The following SMARCA4 variants were observed in gnomAD, a reference collection of about 807,000 sequenced individuals.
SMARCA4 encodes SWI/SNF-related matrix-associated actin-dependent regulator of chromatin subfamily A member 4.
A neutral mutation model predicts 193.9 loss-of-function variants in SMARCA4; 31 were observed. The ratio of observed to expected loss-of-function variants is 0.16; its 90% CI spans 0.12 to 0.22. The LOEUF (loss-of-function observed/expected upper bound fraction) is 0.22, where lower values mean the gene tolerates loss of function less well. SMARCA4 is among the 10% of genes least tolerant of loss of function. The probability of loss-of-function intolerance (pLI) is 1.00; values close to 1 mark genes in which losing one functional copy is unlikely to be tolerated. For synonymous variants in SMARCA4, 942 were observed against 933.1 expected, an observed-to-expected ratio of 1.01 and a Z score of -0.17; for missense variants, 1,148 against 2,296.0, an observed-to-expected ratio of 0.50 and a Z score of 10.22.
chr19:10,969,839 T>C (rs555169902), intron 1 of SMARCA4, among the ~76,000 whole-genome samples: 4 of 151,068 alleles, frequency 2.6e-5, no homozygotes, highest in Admixed American at 2.0e-4. Flanking sequence ...CCAGAGAAAT[T>C]AAAGTCATTA....
chr19:10,978,808 G>T (rs1032638063), intron 1 of SMARCA4, among the ~76,000 whole-genome samples: 1 of 151,140 alleles, frequency 6.6e-6, no homozygotes, highest in Non-Finnish European at 1.5e-5. Flanking sequence ...TTTTAGCCAG[G>T]TATAGTGGTG....
intron 11 of SMARCA4, among the ~76,000 whole-genome samples, chr19:10,997,315 C>G (rs1178903416): frequency 6.6e-6 from 1 of 152,184 alleles, no homozygotes; most frequent in East Asian, 1.9e-4. Context: ...TCTCCTGCCT[C>G]AGCCTCCCGA....
chr19:10,962,678 G>A (rs1051187663), intron 1 of SMARCA4, among the ~76,000 whole-genome samples: 4 of 152,078 alleles, frequency 2.6e-5, no homozygotes, highest in African/African-American at 9.7e-5. Flanking sequence ...GAGTAGCTGG[G>A]ACTACAGGCG....
At chr19:11,022,012 C>T (rs1568487458) in intron 19 of SMARCA4, 45 bp downstream of exon 19, 1 of 1,610,510 alleles carries the variant, frequency 6.2e-7, no homozygotes, top group Admixed American at 1.7e-5. Flanking sequence ...CCAGGTGCGG[C>T]TGGCTTTGCT....
At chr19:11,027,323 A>G (rs1002825829) in intron 23 of SMARCA4, among the ~76,000 whole-genome samples, 2 of 152,156 alleles carry the variant, frequency 1.3e-5, no homozygotes, top group Non-Finnish European at 2.9e-5. Context: ...CACATCTACA[A>G]CACTTGGGGT....
At chr19:11,042,726 C>T (rs1413760894) in intron 30 of SMARCA4, among the ~76,000 whole-genome samples, 2 of 152,248 alleles carry the variant, frequency 1.3e-5, no homozygotes, top group African/African-American at 4.8e-5. Context: ...GTGGTCCACA[C>T]CTGTCAGCCC....
In SMARCA4 at chr19:11,021,850, G is replaced by A. The variant is rs1600278720; in HGVS notation, c.2742G>A (p.Leu914=). Residue 914 remains leucine (L), a synonymous_variant, in exon 19 of 35, where the codon CTG becomes CTA. Coordinates refer to ENST00000344626, the MANE Select transcript of SMARCA4 (RefSeq NM_003072.5). ...PRRLLLTGTP[L]QNKLPELWAL... is the part of the protein sequence containing the mutation. ...GCCTGCTGCTGACGGGCACACCGCT[G>A]CAGAACAAGCTTCCCGAGCTCTGGG... is the stretch of plus-strand genomic sequence containing the variant. The A allele has an allele frequency of 2.5e-6, 4 of 1,613,784 alleles. No individual in the cohort carries two copies. Among genetic ancestry groups the A allele is most frequent in the Non-Finnish European group, 3.4e-6 (4 of 1,180,030 alleles).
At position 10,987,803 on chromosome 19, in the gene SMARCA4, C is replaced by A; in HGVS notation, c.997C>A (p.Pro333Thr). The A allele has an allele frequency of 6.2e-7, 1 of 1,603,510 alleles. No individual in the cohort carries two copies. The highest frequency in any genetic ancestry group is 1.1e-5 in the South Asian group (1 of 89,924). ...SPVMPPQTQS[P>T]GQPAQPAPMV... ...CGTGATGCCACCGCAGACCCAGTCC[C>A]CCGGGCAGCCGGCCCAGCCCGCGCC... Residue 333 changes from proline (P) to threonine (T), a missense_variant, in exon 6 of 35, where the codon CCC (proline) becomes ACC (threonine). Pro to Thr is a conservative substitution (Grantham distance 38). Around this residue, in one of 17 missense-constraint regions of SMARCA4, gnomAD observed 257 missense variants for 276.5 expected, o/e 0.93. Coordinates refer to ENST00000344626, the MANE Select transcript of SMARCA4 (RefSeq NM_003072.5). This position sits in a 1 kb window ranked among gnomAD's most constrained non-coding sequence, Gnocchi z 5.3.
intron 1 of SMARCA4, among the ~76,000 whole-genome samples, chr19:10,968,302 A>G (rs2084396573): frequency 6.6e-6 from 1 of 152,056 alleles, no homozygotes; most frequent in Non-Finnish European, 1.5e-5. Context: ...ATGTTTTTTT[A>G]AGTCCCAGAC....
rs1427314221 is a variant in SMARCA4, at chr19:11,010,767, T to A, written c.2274+236T>A. 5.4e-5 allele frequency: 30 copies of A among 556,524 alleles called. No homozygotes were observed. The Admixed American group carries it at 7.2e-4, about 13-fold the overall frequency. 34.5% of individuals were successfully genotyped at this position (556,524 alleles called of 1,614,324 possible). A position where few individuals can be genotyped will look rare whatever the true frequency, so the allele number is the denominator to read the frequency against. ...AAGTCAGTGTCTACTGGGTGCCCGA[T>A]GTGCCAGGCAGAGTGGGAGCGATTT... is the stretch of plus-strand genomic sequence containing the variant. On this transcript the variant is annotated intron_variant, in intron 15 of 34. Coordinates refer to ENST00000344626, the MANE Select transcript of SMARCA4 (RefSeq NM_003072.5).
Position 10,987,834 on chromosome 19 carries a change from T to C in SMARCA4, c.1028T>C (p.Val343Ala), listed in dbSNP as rs1568427296. The C allele has an allele frequency of 1.9e-6, 3 of 1,610,410 alleles. No individual in the cohort carries two copies. Among genetic ancestry groups the C allele is most frequent in the Non-Finnish European group, 8.5e-7 (1 of 1,178,964 alleles). The change falls in exon 6 of 35, where the codon GTG becomes GCG. Residue 343 changes from valine (V) to alanine (A), a missense_variant. Coordinates refer to ENST00000344626, the MANE Select transcript of SMARCA4 (RefSeq NM_003072.5). The surrounding 1 kb of genome is among the most constrained non-coding windows in gnomAD (Gnocchi z 5.3). ...CAGCCGGCCCAGCCCGCGCCCATGG[T>C]GCCACTGCACCAGAAGCAGAGCCGC... Reference protein sequence around the residue: ...PGQPAQPAPMVPLHQKQSRIT... With the variant: ...PGQPAQPAPMAPLHQKQSRIT...
At chr19:11,029,168 A>G (rs2090466285) in intron 24 of SMARCA4, among the ~76,000 whole-genome samples, 1 of 151,872 alleles carries the variant, frequency 6.6e-6, no homozygotes, top group South Asian at 2.1e-4. Context: ...GAAAACCAAA[A>G]TCCTTCAGGG....
chr19:10,996,738 T>C (rs1229672500), intron 11 of SMARCA4, among the ~76,000 whole-genome samples, 194 bp downstream of exon 11: 1 of 152,234 alleles, frequency 6.6e-6, no homozygotes, highest in Admixed American at 6.5e-5. Flanking sequence ...CAGACCTTTT[T>C]CTATGCATGT....
intron 12 of SMARCA4, 30 bp from the exon 13 acceptor site, chr19:11,003,309 AT>A (rs1392604012): frequency 1.2e-6 from 2 of 1,610,872 alleles, no homozygotes; most frequent in Non-Finnish European, 1.7e-6. Context: ...CTCTGAGCAG[AT>A]TTGTATGAAA....
intron 29 of SMARCA4, among the ~76,000 whole-genome samples, chr19:11,038,555 A>C (rs113593250): frequency 0.01 from 1,530 of 151,998 alleles, 22 homozygotes; most frequent in African/African-American, 0.035. Flanking sequence ...CTGCTCCATC[A>C]TTCTGGTGTC....
At chr19:10,988,306 A>G (rs925495747) in intron 6 of SMARCA4, among the ~76,000 whole-genome samples, 4 of 152,076 alleles carry the variant, frequency 2.6e-5, no homozygotes, top group African/African-American at 9.7e-5. Context: ...TTATTTTAGT[A>G]GAGGCAGGGT....
chr19:11,041,650 T>C lies in SMARCA4; in HGVS notation c.4424+90T>C. 1 of 1,187,500 alleles carries C rather than the reference T, an allele frequency of 8.4e-7. No individual in the cohort carries two copies. The highest frequency in any genetic ancestry group is 1.2e-6 in the Non-Finnish European group (1 of 827,306). The allele number at this position is 1,187,500 out of a possible 1,614,324, so 73.6% of individuals were successfully genotyped here. On this transcript the variant is annotated intron_variant, in intron 30 of 34. Transcript: ENST00000344626. The surrounding 1 kb of genome is among the most constrained non-coding windows in gnomAD (Gnocchi z 5.6). ...CACTCTGACTCTGCACACTCAGGCT[T>C]GGGCCGCTCACTCTTTCACTCATCC...
intron 7 of SMARCA4, among the ~76,000 whole-genome samples, chr19:10,989,846 C>A (rs372245713): frequency 6.6e-6 from 1 of 152,000 alleles, no homozygotes; most frequent in African/African-American, 2.4e-5. Context: ...GGATTACAAG[C>A]GTGTGCCACC....
intron 13 of SMARCA4, among the ~76,000 whole-genome samples, chr19:11,004,112 G>A (rs369880021): frequency 8.4e-4 from 127 of 151,862 alleles, no homozygotes; most frequent in African/African-American, 2.9e-3. Flanking sequence ...CACCTCCCGT[G>A]TTCAAGCGAT....
Sources: gnomAD v4.1 joint callset for allele counts (sites outside exome capture counted in the v4.1 genomes callset) on GRCh38, gnomAD v4.1.1 for gene constraint, gnomAD v4.1.1 regional missense constraint, Gnocchi (gnomAD v3.1) non-coding constraint, MANE v1.5 for transcripts, NCBI Gene and HGNC (gene_info 2026-07-23, HGNC 2026-07-21) for gene names.